PAPPA2: variants seen among roughly 807,000 people sequenced by gnomAD.
The protein encoded by PAPPA2 is pappalysin 2, also known as pappalysin-2.
PAPPA2 carries 86 observed loss-of-function variants against 176.4 expected under a neutral mutation model. The observed-to-expected ratio is 0.49, with a 90% CI of 0.41 to 0.58. PAPPA2 has a LOEUF of 0.58. Ranked by LOEUF, PAPPA2 falls within the 20% of genes least tolerant of loss-of-function variation. The pLI is 0.00. For missense variants in PAPPA2, 2,073 were observed against 2,256.9 expected, an observed-to-expected ratio of 0.92 and a Z score of 1.65; for synonymous variants, 809 against 852.2, an observed-to-expected ratio of 0.95 and a Z score of 0.88.
chr1:176,617,481 G>C (rs1655332752), intron 3 of PAPPA2, among the ~76,000 whole-genome samples: 1 of 151,976 alleles, frequency 6.6e-6, no homozygotes, highest in South Asian at 2.1e-4. Context: ...AGTCCCCAAG[G>C]TCCATTATAT....
intron 1 of PAPPA2, among the ~76,000 whole-genome samples, chr1:176,475,084 A>G (rs1327704325): frequency 1.3e-5 from 2 of 152,136 alleles, no homozygotes; most frequent in Non-Finnish European, 1.5e-5. Context: ...TGTTTTTTAT[A>G]TTTTTTATAT....
chr1:176,653,494 C>T (rs1450522449), intron 3 of PAPPA2, among the ~76,000 whole-genome samples: 1 of 151,678 alleles, frequency 6.6e-6, no homozygotes, highest in African/African-American at 2.4e-5. Flanking sequence ...TAGATCTCCC[C>T]TGCTGGGCTT....
intron 12 of PAPPA2, among the ~76,000 whole-genome samples, chr1:176,726,339 T>C (rs527719174): frequency 1.4e-4 from 22 of 152,348 alleles, no homozygotes; most frequent in African/African-American, 5.3e-4. Context: ...CTTGTTTACC[T>C]ATCTCTTCAT....
chr1:176,708,810 CT>C (rs1463067306), intron 10 of PAPPA2, among the ~76,000 whole-genome samples: 1 of 151,954 alleles, frequency 6.6e-6, no homozygotes, highest in Non-Finnish European at 1.5e-5. Flanking sequence ...TGTGGTATTG[CT>C]GTGAAGAATT....
rs369407734 is a variant in PAPPA2 at position 176,489,560 on chromosome 1, C to T, written c.-917+26142C>T. Among the ~76,000 whole-genome samples, 3 of 152,266 alleles carry T rather than the reference C, an allele frequency of 2.0e-5. No homozygotes were observed. In the East Asian group the frequency reaches 5.8e-4, roughly 29 times the overall value. On this transcript the variant is annotated intron_variant, in intron 1 of 22. Coordinates refer to ENST00000367662, the MANE Select transcript of PAPPA2 (RefSeq NM_020318.3). The stretch of plus-strand genomic sequence containing the variant: ...GCAGCAGCTGTCCATATGTTGGAGT[C>T]CTATGGCAGCTACTGCAGATTTGGG...
chr1:176,671,873 G>A (rs1388778680), intron 4 of PAPPA2, among the ~76,000 whole-genome samples: 1 of 134,642 alleles, frequency 7.4e-6, no homozygotes, highest in East Asian at 2.2e-4. Context: ...AGAACACATG[G>A]ACACAGGAAG....
chr1:176,546,630 A>G (rs72715199), intron 1 of PAPPA2, among the ~76,000 whole-genome samples: 16,670 of 152,270 alleles, frequency 0.11, 974 homozygotes, highest in Middle Eastern at 0.19. Context: ...TAATTATTGC[A>G]AAAGAGAATG....
intron 12 of PAPPA2, among the ~76,000 whole-genome samples, chr1:176,732,731 G>T (rs540472857): frequency 1.3e-5 from 2 of 152,238 alleles, no homozygotes; most frequent in African/African-American, 4.8e-5. Context: ...GCATATTAAG[G>T]TTTGAGGAGC....
intron 3 of PAPPA2, among the ~76,000 whole-genome samples, chr1:176,647,522 C>T (rs1333891867): frequency 6.6e-6 from 1 of 151,572 alleles, no homozygotes; most frequent in Non-Finnish European, 1.5e-5. Context: ...TCAATGTTTA[C>T]TTGTAGCAGT....
intron 3 of PAPPA2, among the ~76,000 whole-genome samples, chr1:176,665,647 G>A (rs920591458): frequency 6.6e-6 from 1 of 152,110 alleles, no homozygotes; most frequent in Non-Finnish European, 1.5e-5. Context: ...TGTAAGATTA[G>A]GTAGAGGACA....
chr1:176,709,520 A>G (rs1266033730), intron 10 of PAPPA2, among the ~76,000 whole-genome samples: 1 of 152,206 alleles, frequency 6.6e-6, no homozygotes, highest in Non-Finnish European at 1.5e-5. Context: ...GTGATTGAGA[A>G]CAAACCCCCC....
chr1:176,492,466 C>T (rs1423806053), intron 1 of PAPPA2, among the ~76,000 whole-genome samples: 1 of 152,182 alleles, frequency 6.6e-6, no homozygotes, highest in African/African-American at 2.4e-5. Flanking sequence ...ATTTGGATCC[C>T]AGTCTGTGTA....
chr1:176,540,584 T>C (rs1366606852), intron 1 of PAPPA2, among the ~76,000 whole-genome samples: 8 of 152,198 alleles, frequency 5.3e-5, no homozygotes, highest in Admixed American at 5.2e-4. Context: ...TGGTGGCTGG[T>C]ATCTAGAAGG....
intron 12 of PAPPA2, among the ~76,000 whole-genome samples, chr1:176,726,212 T>G (rs1342671724): frequency 1.3e-5 from 2 of 152,258 alleles, no homozygotes; most frequent in Non-Finnish European, 2.9e-5. Context: ...GCTCAAGGAT[T>G]ATTTCTATTA....
intron 3 of PAPPA2, among the ~76,000 whole-genome samples, chr1:176,628,355 A>G (rs1257104869): frequency 1.3e-5 from 2 of 152,182 alleles, no homozygotes; most frequent in Non-Finnish European, 2.9e-5. Flanking sequence ...TAGGCTCTCA[A>G]TAGATATTTG....
At chr1:176,774,491 C>T (rs369046284) in intron 17 of PAPPA2, among the ~76,000 whole-genome samples, 5 of 152,142 alleles carry the variant, frequency 3.3e-5, no homozygotes, top group African/African-American at 1.2e-4. Context: ...CCTGAGACTC[C>T]TCAGCGCCCT....
chr1:176,570,752 A>T (rs1020552133), intron 2 of PAPPA2, among the ~76,000 whole-genome samples: 5 of 150,988 alleles, frequency 3.3e-5, no homozygotes, highest in African/African-American at 1.2e-4. Context: ...AGGGGGCACA[A>T]GGAGGTGGTC....
chr1:176,492,988 T>C (rs1647375070), intron 1 of PAPPA2, among the ~76,000 whole-genome samples: 1 of 152,358 alleles, frequency 6.6e-6, no homozygotes, highest in South Asian at 2.1e-4. Flanking sequence ...TAGTGTGATC[T>C]ATTTTATCCT....
chr1:176,751,340 T>C (rs1488212623), intron 14 of PAPPA2, among the ~76,000 whole-genome samples: 2 of 149,274 alleles, frequency 1.3e-5, no homozygotes, highest in African/African-American at 5.0e-5. Flanking sequence ...AATTGACAAA[T>C]GGGATCTAAT....
Sources: allele counts gnomAD v4.1 joint callset (sites outside exome capture counted in the v4.1 genomes callset), GRCh38; gene constraint gnomAD v4.1.1; transcripts MANE v1.5; gene names NCBI Gene and HGNC (gene_info 2026-07-23, HGNC 2026-07-21).